The following CYP26B1 variants were observed in gnomAD, a reference collection of about 807,000 sequenced individuals.
CYP26B1 encodes cytochrome P450 family 26 subfamily B member 1.
In CYP26B1, 8 loss-of-function variants were observed where a neutral mutation model predicts 39.1. The observed-to-expected ratio is 0.20, with a 90% CI of 0.12 to 0.37. The LOEUF (loss-of-function observed/expected upper bound fraction) is 0.37, where lower values mean the gene tolerates loss of function less well. Ranked by LOEUF, CYP26B1 falls within the 10% of genes least tolerant of loss-of-function variation. The pLI is 1.00. For missense variants in CYP26B1, 615 were observed against 707.0 expected (o/e 0.87, Z 1.48); for synonymous variants, 321 against 314.3 (o/e 1.02, Z -0.23).
chr2:72,138,963 CCTCACCCCTCCTGCCT>C (rs1294907702), intron 2 of CYP26B1, among the ~76,000 whole-genome samples: 1 of 152,208 alleles, frequency 6.6e-6, no homozygotes, highest in Non-Finnish European at 1.5e-5. Flanking sequence ...AACCAGGCCT[CCTCACCCCTCCTGCCT>C]CTCACCCCGT....
chr2:72,145,158 C>T (rs926328636), intron 1 of CYP26B1, among the ~76,000 whole-genome samples: 1 of 152,214 alleles, frequency 6.6e-6, no homozygotes, highest in African/African-American at 2.4e-5. Context: ...TGCCAGCCCA[C>T]GAGCGTACCG....
rs148993463 is a variant in CYP26B1 at position 72,135,892 on chromosome 2, T to G, written c.430-473A>C. On this transcript the variant is annotated intron_variant, in intron 2 of 5. Coordinates refer to ENST00000001146, the MANE Select transcript of CYP26B1 (RefSeq NM_019885.4). ...AGTAAGTTTATTAACAGCTGTGCCA[T>G]GAAAAGGTCTTCAGTGTGGCCAGGT... 4.4e-3 allele frequency among the ~76,000 whole-genome samples: 675 copies of G among 152,264 alleles called. 4 individuals carry two copies. Among genetic ancestry groups the G allele is most frequent in the African/African-American group, 0.015 (641 of 41,532 alleles).
At chr2:72,143,820 A>G (rs940715264) in intron 2 of CYP26B1, among the ~76,000 whole-genome samples, 169 bp downstream of exon 2, 2 of 152,230 alleles carry the variant, frequency 1.3e-5, no homozygotes. Flanking sequence ...AGGCCGGAGC[A>G]GGCCCTGGAT....
intron 2 of CYP26B1, among the ~76,000 whole-genome samples, chr2:72,141,927 A>C (rs1184423184): frequency 6.6e-6 from 1 of 152,110 alleles, no homozygotes; most frequent in Admixed American, 6.5e-5. Flanking sequence ...ACACACAAAG[A>C]GGGGGCCCTG....
chr2:72,140,921 T>C (rs2104080059), intron 2 of CYP26B1, among the ~76,000 whole-genome samples: 1 of 152,286 alleles, frequency 6.6e-6, no homozygotes, highest in South Asian at 2.1e-4. Flanking sequence ...CCAGGTTCCC[T>C]GAGGGTATCT....
At chr2:72,133,536 C>A (rs543382056) in intron 4 of CYP26B1, among the ~76,000 whole-genome samples, 1 of 152,340 alleles carries the variant, frequency 6.6e-6, no homozygotes, top group Non-Finnish European at 1.5e-5. Context: ...CTGCTGTGAC[C>A]GAGGGCAGAA....
rs1676749184 is a variant in CYP26B1 at position 72,135,614 on chromosome 2, T to TGGGCAGGGCCA, written c.430-206_430-196dup. ...GCTTGTGAGGGGCATAAGTGGGGGC[T>TGGGCAGGGCCA]GGGCAGGGCCAGAGCAGGGCGGCTG... On this transcript the variant is annotated intron_variant, in intron 2 of 5. Transcript: ENST00000001146. Among the ~76,000 whole-genome samples, 5 of 152,160 alleles carry TGGGCAGGGCCA rather than the reference T, an allele frequency of 3.3e-5. No individual in the cohort carries two copies. In the South Asian group the frequency reaches 1.0e-3, roughly 31 times the overall value.
Position 72,129,542 on chromosome 2 carries a change from A to C in CYP26B1, c.*2685T>G, listed in dbSNP as rs1676490937. 1 of 151,868 alleles carries C rather than the reference A, an allele frequency of 6.6e-6. No homozygotes were observed. 9.4% of individuals were successfully genotyped at this position (151,868 alleles called of 1,614,324 possible). A position where few individuals can be genotyped will look rare whatever the true frequency, so the allele number is the denominator to read the frequency against. ...TTTAACAGCAAAAACTTTATACTAA[A>C]TATCTATTTTGAATTATAACAAAAA... is the stretch of plus-strand genomic sequence containing the variant. On this transcript the variant is annotated 3_prime_UTR_variant, in exon 6 of 6. Coordinates refer to ENST00000001146, the MANE Select transcript of CYP26B1 (RefSeq NM_019885.4).
At chr2:72,144,330 C>CGGCG (rs1327589337) in intron 1 of CYP26B1, 117 bp from the exon 2 acceptor site, 19 of 1,489,888 alleles carry the variant, frequency 1.3e-5, no homozygotes, top group Admixed American at 9.4e-5. Flanking sequence ...CCACCAAACA[C>CGGCG]ACTCACACAG....
rs1468426752 is a variant in CYP26B1, at chr2:72,143,429, C to T, written c.429+560G>A. Among the ~76,000 whole-genome samples, 3 of 150,880 alleles carry T rather than the reference C, an allele frequency of 2.0e-5. No individual in the cohort carries two copies. The East Asian group carries it at 5.9e-4, about 30-fold the overall frequency. ...GTGCCTCGCCTGCTCTCCCCCCGCC[C>T]GCCCTTCCCCCACGGCCCAGACCCG... On this transcript the variant is annotated intron_variant, in intron 2 of 5. Transcript: ENST00000001146.
At chr2:72,144,271 G>T in intron 1 of CYP26B1, 58 bp from the exon 2 acceptor site, 1 of 1,553,988 alleles carries the variant, frequency 6.4e-7, no homozygotes, top group Non-Finnish European at 8.7e-7. Context: ...GGCCCGCGAG[G>T]GAGGGGCGGC....
In CYP26B1 at chr2:72,129,412, A is replaced by G. The variant is rs1676486258; in HGVS notation, c.*2815T>C. 6.6e-6 allele frequency: 1 copy of G among 152,648 alleles called. No homozygotes were observed. The highest frequency in any genetic ancestry group is 1.5e-5 in the Non-Finnish European group (1 of 68,028). The allele number at this position is 152,648 out of a possible 1,614,324, so 9.5% of individuals were successfully genotyped here. On this transcript the variant is annotated 3_prime_UTR_variant, in exon 6 of 6. Coordinates refer to ENST00000001146, the MANE Select transcript of CYP26B1 (RefSeq NM_019885.4). ...TACCAGTTTCATATCAAAACAAAAC[A>G]CACAAGTGCTTTTTCAATATTAAAA...
chr2:72,133,459 G>T, intron 4 of CYP26B1, 152 bp from the exon 5 acceptor site: 1 of 1,042,950 alleles, frequency 9.6e-7, no homozygotes, highest in Non-Finnish European at 1.4e-6. Flanking sequence ...GCTTCATGTT[G>T]CCGGGGCATT....
At position 72,135,150 on chromosome 2, in the gene CYP26B1, G is replaced by A; in HGVS notation, c.699C>T (p.Tyr233=). 1 of 1,612,614 alleles carries A rather than the reference G, an allele frequency of 6.2e-7. No homozygotes were observed. The highest frequency in any genetic ancestry group is 2.2e-5 in the East Asian group (1 of 44,872). ...CCAGGCCCTGGGTGCTCACCCGCCG[G>A]TAGCCACTGAAGGGCAGGTCGACAG... ...SLPVDLPFSG[Y]RRGIQARQIL... is the part of the protein sequence containing the mutation. Residue 233 remains tyrosine, a synonymous_variant, in exon 3 of 6, where the codon TAC becomes TAT. Transcript: ENST00000001146.
At chr2:72,134,155 G>C (rs1676683731) in intron 4 of CYP26B1, among the ~76,000 whole-genome samples, 1 of 152,220 alleles carries the variant, frequency 6.6e-6, no homozygotes, top group Non-Finnish European at 1.5e-5. Context: ...AGTGGGCAGG[G>C]GAGGCTGCAG....
chr2:72,132,506 C>T lies in CYP26B1; in HGVS notation c.1260G>A (p.Ala420=), dbSNP rs544243234. The change falls in exon 6 of 6, where the codon GCG becomes GCA. Residue 420 remains alanine (A), a synonymous_variant. Coordinates refer to ENST00000001146, the MANE Select transcript of CYP26B1 (RefSeq NM_019885.4). ...AGCGGCCATCCTTGTCCTCGCTCCG[C>T]GCCTGGCTGAAGCGATCGGGGTCGA... ...NVFDPDRFSQ[A]RSEDKDGRFH... The T allele has an allele frequency of 6.6e-5, 107 of 1,612,316 alleles. No individual in the cohort carries two copies. Among genetic ancestry groups the T allele is most frequent in the Non-Finnish European group, 8.4e-5 (99 of 1,178,986 alleles).
At chr2:72,139,177 C>T (rs1676867264) in intron 2 of CYP26B1, among the ~76,000 whole-genome samples, 2 of 152,080 alleles carry the variant, frequency 1.3e-5, no homozygotes, top group Non-Finnish European at 2.9e-5. Flanking sequence ...GGAATGGAAG[C>T]GGCTGCCCAG....
intron 2 of CYP26B1, among the ~76,000 whole-genome samples, chr2:72,139,290 C>A (rs565641520): frequency 2.6e-5 from 4 of 152,196 alleles, no homozygotes; most frequent in African/African-American, 7.2e-5. Context: ...GGCAGCCGTC[C>A]GCACAGGGGT....
At chr2:72,137,741 A>T (rs1389546647) in intron 2 of CYP26B1, among the ~76,000 whole-genome samples, 2 of 151,986 alleles carry the variant, frequency 1.3e-5, no homozygotes, top group Non-Finnish European at 2.9e-5. Context: ...GCCCCGGGGG[A>T]CCTGGGACTG....
Sources: allele counts gnomAD v4.1 joint callset (sites outside exome capture counted in the v4.1 genomes callset), GRCh38; gene constraint gnomAD v4.1.1; transcripts MANE v1.5; gene names NCBI Gene and HGNC (gene_info 2026-07-23, HGNC 2026-07-21).